The following MDGA2 variants were observed in gnomAD, a reference collection of about 807,000 sequenced individuals.
MDGA2 encodes the protein MAM domain containing glycosylphosphatidylinositol anchor 2, also known as MAM domain-containing glycosylphosphatidylinositol anchor protein 2.
MDGA2 carries 40 observed loss-of-function variants against 117.8 expected under a neutral mutation model. The observed-to-expected ratio is 0.34, with a 90% CI of 0.26 to 0.44. MDGA2 has a LOEUF of 0.44. Among genes scored for constraint, MDGA2 ranks in the 20% least tolerant of loss-of-function variants. MDGA2 has a pLI of 1.00. For missense variants in MDGA2, 1,123 were observed against 1,250.6 expected, an observed-to-expected ratio of 0.90 and a Z score of 1.54; for synonymous variants, 452 against 439.0, an observed-to-expected ratio of 1.03 and a Z score of -0.37.
At chr14:46,966,354 A>T (rs2138305689) in intron 8 of MDGA2, among the ~76,000 whole-genome samples, 1 of 152,270 alleles carries the variant, frequency 6.6e-6, no homozygotes, top group South Asian at 2.1e-4. Flanking sequence ...TGGTTCATGA[A>T]TTAGCTCTCT....
At chr14:47,455,873 T>C (rs938035698) in intron 1 of MDGA2, among the ~76,000 whole-genome samples, 25 of 152,150 alleles carry the variant, frequency 1.6e-4, no homozygotes, top group African/African-American at 6.0e-4. Context: ...GGTGGGTGCC[T>C]GTAATCCCAG....
chr14:47,256,845 A>T (rs1352154699), intron 2 of MDGA2, among the ~76,000 whole-genome samples: 2 of 151,580 alleles, frequency 1.3e-5, no homozygotes, highest in Non-Finnish European at 2.9e-5. Flanking sequence ...AGGAAGGAAG[A>T]CAGGAAGACA....
intron 1 of MDGA2, among the ~76,000 whole-genome samples, chr14:47,673,040 T>A (rs1367769497): frequency 2.0e-5 from 3 of 151,908 alleles, no homozygotes; most frequent in African/African-American, 7.3e-5. Flanking sequence ...GACATTCTGA[T>A]CCTTAGAGTC....
At chr14:47,061,925 T>G (rs1429239578) in intron 6 of MDGA2, among the ~76,000 whole-genome samples, 3 of 152,056 alleles carry the variant, frequency 2.0e-5, no homozygotes, top group South Asian at 2.1e-4. Flanking sequence ...CATAGCATAT[T>G]AAAATTAAAA....
intron 5 of MDGA2, among the ~76,000 whole-genome samples, chr14:47,113,848 A>C (rs1479112326): frequency 6.6e-6 from 1 of 152,178 alleles, no homozygotes; most frequent in Non-Finnish European, 1.5e-5. Context: ...AATCAGCACA[A>C]GACAAGAATG....
intron 10 of MDGA2, among the ~76,000 whole-genome samples, chr14:46,891,138 G>T (rs1476816147): frequency 2.6e-5 from 4 of 151,894 alleles, no homozygotes; most frequent in African/African-American, 9.7e-5. Context: ...ATATTAAAGG[G>T]ATATGTGAGA....
chr14:47,632,764 G>C (rs1177878288), intron 1 of MDGA2, among the ~76,000 whole-genome samples: 13 of 151,052 alleles, frequency 8.6e-5, no homozygotes, highest in Non-Finnish European at 1.8e-4. Flanking sequence ...TTTTTTTGAG[G>C]GGGGGGCTCT....
chr14:47,050,996 T>C (rs1819409520), intron 7 of MDGA2, among the ~76,000 whole-genome samples: 1 of 151,990 alleles, frequency 6.6e-6, no homozygotes, highest in South Asian at 2.1e-4. Context: ...GAATCACTTC[T>C]AGAATATTGC....
intron 8 of MDGA2, among the ~76,000 whole-genome samples, chr14:46,984,009 T>A (rs1011801910): frequency 6.6e-6 from 1 of 152,008 alleles, no homozygotes; most frequent in Non-Finnish European, 1.5e-5. Flanking sequence ...GTGCTGTAAG[T>A]ATATTAGTAA....
At chr14:47,220,160 T>A (rs1886246744) in intron 2 of MDGA2, among the ~76,000 whole-genome samples, 1 of 152,186 alleles carries the variant, frequency 6.6e-6, no homozygotes, top group South Asian at 2.1e-4. Context: ...AAATAAAATA[T>A]TTCTGAGTGG....
At chr14:47,623,372 C>G (rs1897084126) in intron 1 of MDGA2, among the ~76,000 whole-genome samples, 1 of 152,142 alleles carries the variant, frequency 6.6e-6, no homozygotes, top group South Asian at 2.1e-4. Flanking sequence ...CAGGATGTTT[C>G]TACTGACAAG....
chr14:46,855,264 T>A lies in MDGA2; in HGVS notation c.2753-110A>T. 1 of 798,694 alleles carries A rather than the reference T, an allele frequency of 1.3e-6. No homozygotes were observed. Among genetic ancestry groups the A allele is most frequent in the Non-Finnish European group, 1.9e-6 (1 of 517,680 alleles). The allele number at this position is 798,694 out of a possible 1,614,324, so 49.5% of individuals were successfully genotyped here. ...TAAACTGAAATTTTACAGAACACTC[T>A]AGTGTCTTGTCCTCTCTTCTCCTCT... On this transcript the variant is annotated intron_variant, in intron 14 of 16. Coordinates refer to ENST00000399232, the MANE Select transcript of MDGA2 (RefSeq NM_001113498.3). The surrounding 1 kb of genome is among the most constrained non-coding windows in gnomAD (Gnocchi z 4.1).
chr14:46,913,845 C>T (rs527338594), intron 10 of MDGA2, among the ~76,000 whole-genome samples: 9 of 149,590 alleles, frequency 6.0e-5, no homozygotes, highest in East Asian at 2.0e-4. Context: ...GACAATACTT[C>T]GTTTTTAAAT....
At chr14:46,923,440 A>C (rs1884208595) in intron 9 of MDGA2, among the ~76,000 whole-genome samples, 1 of 152,134 alleles carries the variant, frequency 6.6e-6, no homozygotes, top group South Asian at 2.1e-4. Flanking sequence ...CAAATACAAT[A>C]AGATCCGTTA....
chr14:47,566,051 T>A (rs961722720), intron 1 of MDGA2, among the ~76,000 whole-genome samples: 2 of 152,118 alleles, frequency 1.3e-5, no homozygotes, highest in African/African-American at 4.8e-5. Flanking sequence ...TGCACATACA[T>A]CCACATGCCA....
At chr14:47,037,952 T>G (rs1427804465) in intron 7 of MDGA2, among the ~76,000 whole-genome samples, 1 of 152,202 alleles carries the variant, frequency 6.6e-6, no homozygotes, top group Non-Finnish European at 1.5e-5. Flanking sequence ...TGTTTTGAGA[T>G]GGAGTCTCGC....
rs536229180 is a variant in MDGA2 at position 47,668,013 on chromosome 14, T to C, written c.280+6504A>G. Among the ~76,000 whole-genome samples the C allele has an allele frequency of 3.3e-5, 5 of 152,338 alleles. No individual in the cohort carries two copies. The South Asian group carries it at 8.3e-4, about 25-fold the overall frequency. ...ATGCCTTTCATCATACCATAATATG[T>C]ATTTAAATAACAAATGTGTAATAGC... is the stretch of plus-strand genomic sequence containing the variant. On this transcript the variant is annotated intron_variant, in intron 1 of 16. Coordinates refer to ENST00000399232, the MANE Select transcript of MDGA2 (RefSeq NM_001113498.3).
chr14:47,025,524 A>T (rs535870463), intron 8 of MDGA2, among the ~76,000 whole-genome samples: 30 of 152,198 alleles, frequency 2.0e-4, no homozygotes, highest in Admixed American at 1.1e-3. Context: ...TCTATGAGTC[A>T]TCATCTAGGC....
chr14:47,061,660 G>C, intron 6 of MDGA2, 82 bp from the exon 7 acceptor site: 1 of 1,160,662 alleles, frequency 8.6e-7, no homozygotes, highest in Non-Finnish European at 1.2e-6. Context: ...TCATCTCTGA[G>C]CTGAAATAAA....
Sources: gnomAD v4.1 joint callset for allele counts (sites outside exome capture counted in the v4.1 genomes callset) on GRCh38, gnomAD v4.1.1 for gene constraint, Gnocchi (gnomAD v3.1) non-coding constraint, MANE v1.5 for transcripts, NCBI Gene and HGNC (gene_info 2026-07-23, HGNC 2026-07-21) for gene names.